Variants in GNAQ observed in about 807,000 individuals in gnomAD.
The protein encoded by GNAQ is guanine nucleotide-binding protein G(q) subunit alpha.
Under a neutral mutation model 43.9 loss-of-function variants are expected in GNAQ, and 8 were observed. The ratio of observed to expected loss-of-function variants is 0.18; its 90% CI spans 0.11 to 0.33. The LOEUF (loss-of-function observed/expected upper bound fraction) is 0.33, where lower values mean the gene tolerates loss of function less well. Ranked by LOEUF, GNAQ falls within the 10% of genes least tolerant of loss-of-function variation. The probability of loss-of-function intolerance (pLI) is 1.00; values close to 1 mark genes in which losing one functional copy is unlikely to be tolerated. For missense variants in GNAQ, 158 were observed against 450.8 expected, an observed-to-expected ratio of 0.35 and a Z score of 5.88; for synonymous variants, 155 against 170.7, an observed-to-expected ratio of 0.91 and a Z score of 0.71.
rs1825296824 is a variant in GNAQ, at chr9:77,720,703, G to C, written c.*620C>G. On this transcript the variant is annotated 3_prime_UTR_variant, in exon 7 of 7. Transcript: ENST00000286548. ...CATCCACTGTCCCAGTCCAAAGTGA[G>C]ACAAGACAGTATATTCTATTAAAAA... The C allele has an allele frequency of 4.3e-6, 1 of 233,236 alleles. No individual in the cohort carries two copies. Among genetic ancestry groups the C allele is most frequent in the African/African-American group, 2.2e-5 (1 of 45,328 alleles). The allele number at this position is 233,236 out of a possible 1,614,324, so 14.4% of individuals were successfully genotyped here.
chr9:77,820,829 T>A (rs1827101624), intron 2 of GNAQ, among the ~76,000 whole-genome samples: 1 of 152,218 alleles, frequency 6.6e-6, no homozygotes, highest in South Asian at 2.1e-4. Context: ...TCAACCTTCC[T>A]GAACCTCAGT....
chr9:77,718,668 T>G lies in GNAQ; in HGVS notation c.*2655A>C, dbSNP rs764476512. ...TGATTCCCTAAAACTGTAACACTTA[T>G]GATCTTGTGATGAGGTTTTCTCTAT... is the stretch of plus-strand genomic sequence containing the variant. On this transcript the variant is annotated 3_prime_UTR_variant, in exon 7 of 7. Coordinates refer to ENST00000286548, the MANE Select transcript of GNAQ (RefSeq NM_002072.5). 4.3e-6 allele frequency: 1 copy of G among 232,812 alleles called. No individual in the cohort carries two copies. The highest frequency in any genetic ancestry group is 8.5e-6 in the Non-Finnish European group (1 of 117,850). The allele number at this position is 232,812 out of a possible 1,614,324, so 14.4% of individuals were successfully genotyped here.
intron 2 of GNAQ, among the ~76,000 whole-genome samples, chr9:77,871,683 A>G (rs960413142): frequency 1.3e-5 from 2 of 152,272 alleles, no homozygotes; most frequent in South Asian, 4.1e-4. Context: ...TTCCAACAGC[A>G]GCTCCCAGAT....
intron 1 of GNAQ, among the ~76,000 whole-genome samples, chr9:77,958,330 C>A (rs149789417): frequency 6.7e-6 from 1 of 150,224 alleles, no homozygotes; most frequent in African/African-American, 2.5e-5. Context: ...ATTGGCAACA[C>A]GAACAGAATA....
At chr9:77,733,206 C>T (rs1489126696) in intron 5 of GNAQ, among the ~76,000 whole-genome samples, 2 of 152,162 alleles carry the variant, frequency 1.3e-5, no homozygotes, top group Non-Finnish European at 2.9e-5. Context: ...GTGTTCTACC[C>T]TGACCAGTTA....
chr9:77,811,568 T>A (rs1351966342), intron 3 of GNAQ, among the ~76,000 whole-genome samples: 1 of 152,184 alleles, frequency 6.6e-6, no homozygotes, highest in East Asian at 1.9e-4. Context: ...GCTGTCGTAT[T>A]TGCCAGTTCC....
chr9:78,013,131 T>G (rs1347087974), intron 1 of GNAQ, among the ~76,000 whole-genome samples: 2 of 152,160 alleles, frequency 1.3e-5, no homozygotes. Flanking sequence ...GTTAGAGCAA[T>G]GAACGTGGCA....
At chr9:77,886,900 G>C (rs1447086005) in intron 2 of GNAQ, among the ~76,000 whole-genome samples, 1 of 151,526 alleles carries the variant, frequency 6.6e-6, no homozygotes, top group Non-Finnish European at 1.5e-5. Context: ...CATGAGGTCA[G>C]GGGTTCAAGA....
intron 2 of GNAQ, among the ~76,000 whole-genome samples, chr9:77,872,964 A>G (rs553390482): frequency 2.2e-4 from 33 of 152,368 alleles, no homozygotes; most frequent in African/African-American, 6.7e-4. Flanking sequence ...GAGGTAAATA[A>G]GAGGATATTC....
intron 2 of GNAQ, among the ~76,000 whole-genome samples, chr9:77,863,843 C>T (rs141490185): frequency 0.016 from 2,455 of 152,232 alleles, 54 homozygotes; most frequent in African/African-American, 0.049. Flanking sequence ...ATCATCAGAT[C>T]TCATGAGACT....
At chr9:77,744,590 G>A (rs1825703185) in intron 5 of GNAQ, among the ~76,000 whole-genome samples, 1 of 152,062 alleles carries the variant, frequency 6.6e-6, no homozygotes. Flanking sequence ...AAAATCATTG[G>A]GCTAGCTTTC....
At chr9:77,914,298 C>A (rs962881341) in intron 2 of GNAQ, among the ~76,000 whole-genome samples, 1 of 152,134 alleles carries the variant, frequency 6.6e-6, no homozygotes, top group Non-Finnish European at 1.5e-5. Context: ...AAGCAGTAAA[C>A]CAATCTTAGA....
At chr9:77,838,267 C>T (rs897340348) in intron 2 of GNAQ, among the ~76,000 whole-genome samples, 10 of 150,300 alleles carry the variant, frequency 6.7e-5, no homozygotes, top group African/African-American at 2.0e-4. Flanking sequence ...CCTCAGCCTT[C>T]CGAGTAGCTG....
chr9:77,893,165 C>T (rs1828431098), intron 2 of GNAQ, among the ~76,000 whole-genome samples: 1 of 152,154 alleles, frequency 6.6e-6, no homozygotes, highest in Admixed American at 6.5e-5. Flanking sequence ...CCAGATTAGG[C>T]ACTTCAAGTC....
intron 5 of GNAQ, among the ~76,000 whole-genome samples, chr9:77,757,648 C>A (rs577104799): frequency 6.6e-6 from 1 of 152,210 alleles, no homozygotes; most frequent in Non-Finnish European, 1.5e-5. Context: ...TCAGCTATCA[C>A]GATAGTGCTC....
At chr9:77,833,558 C>A (rs778172230) in intron 2 of GNAQ, among the ~76,000 whole-genome samples, 2 of 152,150 alleles carry the variant, frequency 1.3e-5, no homozygotes, top group Non-Finnish European at 2.9e-5. Context: ...AGACACTAAA[C>A]CATTCTTGAA....
intron 1 of GNAQ, among the ~76,000 whole-genome samples, chr9:77,948,767 C>A (rs1822937872): frequency 6.6e-6 from 1 of 152,168 alleles, no homozygotes; most frequent in Non-Finnish European, 1.5e-5. Flanking sequence ...GATTTATTAT[C>A]CTTTTTAAAT....
At chr9:77,986,446 A>G (rs2118509528) in intron 1 of GNAQ, among the ~76,000 whole-genome samples, 1 of 152,290 alleles carries the variant, frequency 6.6e-6, no homozygotes, top group Non-Finnish European at 1.5e-5. Flanking sequence ...TCAGTTTCTA[A>G]GAGAGGTCTA....
intron 2 of GNAQ, among the ~76,000 whole-genome samples, chr9:77,817,983 CTTTCT>C (rs1827047612): frequency 6.6e-6 from 1 of 151,974 alleles, no homozygotes; most frequent in Admixed American, 6.6e-5. Context: ...AAAGAAGCTA[CTTTCT>C]TTTGACTGCA....
Sources: gnomAD v4.1 joint callset for allele counts (sites outside exome capture counted in the v4.1 genomes callset) on GRCh38, gnomAD v4.1.1 for gene constraint, MANE v1.5 for transcripts, NCBI Gene and HGNC (gene_info 2026-07-23, HGNC 2026-07-21) for gene names.